The following CEP112 variants were observed in gnomAD, a reference collection of about 807,000 sequenced individuals.
The protein encoded by CEP112 is centrosomal protein of 112 kDa.
Under a neutral mutation model 153.0 loss-of-function variants are expected in CEP112, and 127 were observed. The ratio of observed to expected loss-of-function variants is 0.83; its 90% CI spans 0.72 to 0.96. CEP112 has a LOEUF of 0.96. Ranked by LOEUF, CEP112 falls within the 40% of genes least tolerant of loss-of-function variation. The pLI is 0.00. For synonymous variants in CEP112, 358 were observed against 374.4 expected (o/e 0.96, Z 0.51); for missense variants, 1,089 against 1,101.2 (o/e 0.99, Z 0.16).
chr17:65,658,143 C>T (rs757204138), intron 24 of CEP112, among the ~76,000 whole-genome samples: 1 of 152,208 alleles, frequency 6.6e-6, no homozygotes, highest in Non-Finnish European at 1.5e-5. Context: ...CTACTCACTC[C>T]ATAGAGAAGG....
At chr17:65,856,455 T>C (rs1422639967) in intron 20 of CEP112, among the ~76,000 whole-genome samples, 4 of 152,214 alleles carry the variant, frequency 2.6e-5, no homozygotes, top group Non-Finnish European at 4.4e-5. Context: ...GTATTAAGAA[T>C]TTCTCTTAAG....
At chr17:66,007,045 CTCT>C (rs2064306558) in intron 16 of CEP112, among the ~76,000 whole-genome samples, 1 of 152,134 alleles carries the variant, frequency 6.6e-6, no homozygotes, top group Non-Finnish European at 1.5e-5. Flanking sequence ...TATCTTTAAC[CTCT>C]TCTTTTAAAA....
chr17:65,749,444 C>T (rs1243445823), intron 22 of CEP112, among the ~76,000 whole-genome samples: 1 of 151,832 alleles, frequency 6.6e-6, no homozygotes, highest in Non-Finnish European at 1.5e-5. Context: ...GGAGGTGGAG[C>T]TTGCAGTGAG....
Position 65,958,655 on chromosome 17 carries a change from A to T in CEP112, c.1872+2808T>A, listed in dbSNP as rs573208258. 2.9e-5 allele frequency among the ~76,000 whole-genome samples: 4 copies of T among 137,188 alleles called. No homozygotes were observed. The South Asian group carries it at 1.0e-3, about 35-fold the overall frequency. 90.0% of individuals were successfully genotyped at this position (137,188 alleles called of 152,430 possible). The stretch of plus-strand genomic sequence containing the variant: ...TAGGAGGGAAGCCAAGTGGGTGCTG[A>T]TGGCAGCTCAATGCTGGCCTGCAGG... On this transcript the variant is annotated intron_variant, in intron 18 of 26. Coordinates refer to ENST00000535342, the MANE Select transcript of CEP112 (RefSeq NM_001199165.4).
intron 17 of CEP112, among the ~76,000 whole-genome samples, chr17:65,966,230 A>G (rs2062410012): frequency 6.6e-6 from 1 of 152,258 alleles, no homozygotes; most frequent in Non-Finnish European, 1.5e-5. Flanking sequence ...CTGCATTGTT[A>G]AACAACCACA....
intron 6 of CEP112, among the ~76,000 whole-genome samples, chr17:66,109,225 C>T (rs2068913688): frequency 6.6e-6 from 1 of 151,952 alleles, no homozygotes; most frequent in African/African-American, 2.4e-5. Context: ...GTGATACAGT[C>T]AAGAATAATT....
chr17:66,148,537 AG>A (rs2071023680), intron 4 of CEP112, among the ~76,000 whole-genome samples: 1 of 152,144 alleles, frequency 6.6e-6, no homozygotes, highest in African/African-American at 2.4e-5. Context: ...TCTTTCATCA[AG>A]GTTTTGTAGT....
At chr17:66,095,293 C>CACACACACAT (rs761982507) in intron 8 of CEP112, among the ~76,000 whole-genome samples, 1 of 151,986 alleles carries the variant, frequency 6.6e-6, no homozygotes, top group Non-Finnish European at 1.5e-5. Context: ...TACACATACA[C>CACACACACAT]ACACACACAT....
intron 18 of CEP112, among the ~76,000 whole-genome samples, chr17:65,948,360 A>G (rs1429901869): frequency 6.6e-6 from 1 of 151,950 alleles, no homozygotes; most frequent in East Asian, 1.9e-4. Flanking sequence ...TATTTTCAAG[A>G]GGAGAAAAAT....
At chr17:66,122,816 T>A (rs935908934) in intron 6 of CEP112, among the ~76,000 whole-genome samples, 3 of 152,298 alleles carry the variant, frequency 2.0e-5, no homozygotes, top group Admixed American at 2.0e-4. Context: ...AGGAGGACTC[T>A]TCTTAGCTGT....
At chr17:65,912,748 G>A (rs977308775) in intron 19 of CEP112, among the ~76,000 whole-genome samples, 1 of 152,136 alleles carries the variant, frequency 6.6e-6, no homozygotes, top group Non-Finnish European at 1.5e-5. Flanking sequence ...AAATTATATT[G>A]ATCATCAAAT....
intron 6 of CEP112, among the ~76,000 whole-genome samples, chr17:66,111,403 G>C (rs976516489): frequency 1.3e-5 from 2 of 152,052 alleles, no homozygotes; most frequent in Non-Finnish European, 2.9e-5. Flanking sequence ...AGACACACGC[G>C]AATGTTCATT....
intron 21 of CEP112, chr17:65,826,179 G>T (rs994717452): frequency 2.7e-5 from 43 of 1,613,980 alleles, no homozygotes; most frequent in Non-Finnish European, 3.4e-5. Flanking sequence ...TCCCTCAGAG[G>T]CTTCAAACTT....
intron 17 of CEP112, among the ~76,000 whole-genome samples, chr17:66,000,657 G>A (rs947664061): frequency 6.6e-6 from 1 of 152,112 alleles, no homozygotes; most frequent in African/African-American, 2.4e-5. Context: ...CCGTGGTGCT[G>A]CTCATTTGTG....
At chr17:65,754,356 T>C (rs1472935164) in intron 21 of CEP112, among the ~76,000 whole-genome samples, 1 of 152,102 alleles carries the variant, frequency 6.6e-6, no homozygotes, top group Non-Finnish European at 1.5e-5. Flanking sequence ...ACACCTGTAA[T>C]CCAGCACTTT....
At chr17:65,947,530 A>T (rs1301344727) in intron 18 of CEP112, among the ~76,000 whole-genome samples, 1 of 152,130 alleles carries the variant, frequency 6.6e-6, no homozygotes, top group East Asian at 1.9e-4. Flanking sequence ...TCAGTAGATG[A>T]TTATTTTGCT....
chr17:65,757,630 C>T lies in CEP112; in HGVS notation c.2395-6906G>A, dbSNP rs192413465. On this transcript the variant is annotated intron_variant, in intron 21 of 26. Transcript: ENST00000535342. ...AGTAGAATCAATACTTTAGAGAATA[C>T]GAGTAACCAAAGGAATAAAATTAAC... Among the ~76,000 whole-genome samples the T allele has an allele frequency of 4.6e-3, 696 of 152,234 alleles. 10 individuals are homozygous for T. Among genetic ancestry groups the T allele is most frequent in the African/African-American group, 0.016 (645 of 41,548 alleles).
chr17:66,097,122 C>T (rs2068379579), intron 6 of CEP112, among the ~76,000 whole-genome samples: 1 of 152,178 alleles, frequency 6.6e-6, no homozygotes, highest in Admixed American at 6.5e-5. Flanking sequence ...ACACAAAATT[C>T]CTTTGGGACT....
At chr17:65,891,769 T>C (rs940239799) in intron 20 of CEP112, among the ~76,000 whole-genome samples, 5 of 152,190 alleles carry the variant, frequency 3.3e-5, no homozygotes, top group Admixed American at 6.5e-5. Context: ...CCTGCTATGC[T>C]CATGCCAGAC....
Sources: gnomAD v4.1 joint callset for allele counts (sites outside exome capture counted in the v4.1 genomes callset) on GRCh38, gnomAD v4.1.1 for gene constraint, MANE v1.5 for transcripts, NCBI Gene and HGNC (gene_info 2026-07-23, HGNC 2026-07-21) for gene names.